The following EMSY variants were observed in gnomAD, a reference collection of about 807,000 sequenced individuals.
The protein encoded by EMSY is EMSY transcriptional repressor, BRCA2 interacting.
EMSY carries 26 observed loss-of-function variants against 134.6 expected under a neutral mutation model. The observed-to-expected ratio is 0.19, with a 90% CI of 0.14 to 0.27. The LOEUF (loss-of-function observed/expected upper bound fraction) is 0.27. Among genes scored for constraint, EMSY ranks in the 10% least tolerant of loss-of-function variants. EMSY has a pLI of 1.00. For synonymous variants in EMSY, 579 were observed against 577.8 expected (o/e 1.00, Z -0.03); for missense variants, 1,305 against 1,611.4 (o/e 0.81, Z 3.26).
At position 76,499,278 on chromosome 11, in the gene EMSY, T is replaced by G. The variant is rs983772766; in HGVS notation, c.1363+2809T>G. On this transcript the variant is annotated intron_variant, in intron 9 of 20. Coordinates refer to ENST00000334736, the Ensembl canonical transcript of EMSY. Reference sequence around the variant, plus strand: ...ATCTGGCCAACCAATCTTATAACTTTTTTTTTTTTTTTTTTTTTTTTTTTT... The same window carrying G: ...ATCTGGCCAACCAATCTTATAACTTGTTTTTTTTTTTTTTTTTTTTTTTTT... Among the ~76,000 whole-genome samples the G allele has an allele frequency of 3.1e-5, 2 of 65,376 alleles. 1 individual carries two copies. The highest frequency in any genetic ancestry group is 6.1e-5 in the Non-Finnish European group (2 of 32,544). The allele number at this position is 65,376 out of a possible 152,430, so 42.9% of individuals were successfully genotyped here.
At chr11:76,491,566 G>A (rs1053308435) in intron 8 of EMSY, among the ~76,000 whole-genome samples, 4 of 152,212 alleles carry the variant, frequency 2.6e-5, no homozygotes, top group African/African-American at 7.2e-5. Flanking sequence ...CCATGCCAGG[G>A]CCAGGTGGCC....
chr11:76,507,803 A>G (rs1005843905), intron 9 of EMSY, among the ~76,000 whole-genome samples: 5 of 152,110 alleles, frequency 3.3e-5, no homozygotes, highest in African/African-American at 1.2e-4. Flanking sequence ...TCCATTAGAG[A>G]AATCATTATG....
chr11:76,465,508 C>T (rs1948313375), intron 7 of EMSY, among the ~76,000 whole-genome samples: 1 of 150,416 alleles, frequency 6.6e-6, no homozygotes, highest in Admixed American at 6.6e-5. Context: ...TTTTCTTTAT[C>T]ATTTAATTTT....
intron 17 of EMSY, among the ~76,000 whole-genome samples, chr11:76,541,387 A>G (rs983949876): frequency 3.3e-5 from 5 of 152,204 alleles, no homozygotes; most frequent in Non-Finnish European, 7.3e-5. Context: ...ATGATAGAAC[A>G]GATTTTTCTA....
At chr11:76,498,984 C>T (rs776775878) in intron 9 of EMSY, among the ~76,000 whole-genome samples, 23 of 152,292 alleles carry the variant, frequency 1.5e-4, no homozygotes, top group Non-Finnish European at 2.5e-4. Context: ...GTTTTTGAGA[C>T]GGAGTCTCGC....
chr11:76,465,602 T>TAA (rs58807004), intron 7 of EMSY, among the ~76,000 whole-genome samples: 1 of 143,116 alleles, frequency 7.0e-6, no homozygotes, highest in Admixed American at 7.0e-5. Context: ...AAAGTTCCTT[T>TAA]AAAAAAAAAA....
At position 76,455,949 on chromosome 11, in the gene EMSY, T is replaced by C. The variant is rs112323388; in HGVS notation, c.246-2234T>C. Among the ~76,000 whole-genome samples the C allele has an allele frequency of 2.8e-3, 425 of 152,272 alleles. 1 individual carries two copies. Among genetic ancestry groups the C allele is most frequent in the Non-Finnish European group, 5.1e-3 (349 of 68,006 alleles). ...ACATTCACAGGATACTGGGTCAGTT[T>C]CTGTGTGAGGATGAGGATTTCTTAC... On this transcript the variant is annotated intron_variant, in intron 4 of 20. Transcript: ENST00000334736.
intron 11 of EMSY, among the ~76,000 whole-genome samples, chr11:76,517,556 A>C (rs985639319): frequency 6.6e-6 from 1 of 152,216 alleles, no homozygotes; most frequent in Non-Finnish European, 1.5e-5. Flanking sequence ...TTATAGTTTC[A>C]TATAGCTTGA....
chr11:76,459,818 T>A lies in EMSY; in HGVS notation c.422-118T>A, dbSNP rs1236901032. 4.1e-6 allele frequency: 5 copies of A among 1,224,424 alleles called. No individual in the cohort carries two copies. In the East Asian group the frequency reaches 1.2e-4, roughly 29 times the overall value. The allele number at this position is 1,224,424 out of a possible 1,614,324, so 75.8% of individuals were successfully genotyped here. A position where few individuals can be genotyped will look rare whatever the true frequency, so the allele number is the denominator to read the frequency against. The stretch of plus-strand genomic sequence containing the variant: ...GTGGACCTAATACCTAGTACTGGCC[T>A]CTGACTTCTGATCACATGAAAATGT... On this transcript the variant is annotated intron_variant, in intron 5 of 20. Transcript: ENST00000334736.
intron 11 of EMSY, among the ~76,000 whole-genome samples, chr11:76,518,657 C>CATTT (rs1371880893): frequency 2.2e-5 from 3 of 133,932 alleles, no homozygotes; most frequent in African/African-American, 8.1e-5. Flanking sequence ...TTTTTCTATT[C>CATTT]GTTTGTATAA....
intron 11 of EMSY, among the ~76,000 whole-genome samples, chr11:76,520,697 AT>A (rs909293430): frequency 7.3e-4 from 111 of 152,178 alleles, no homozygotes; most frequent in Admixed American, 1.6e-3. Context: ...TTGTAAAGAC[AT>A]TTTTTGTAGC....
chr11:76,473,031 C>T (rs1948635202), intron 8 of EMSY, among the ~76,000 whole-genome samples, 191 bp downstream of exon 9: 2 of 152,152 alleles, frequency 1.3e-5, no homozygotes, highest in East Asian at 1.9e-4. Context: ...AATATGCTTG[C>T]CCCAAGTTGT....
At chr11:76,522,327 CTTGTTTTGTATA>C (rs1950670327) in intron 11 of EMSY, among the ~76,000 whole-genome samples, 1 of 109,192 alleles carries the variant, frequency 9.2e-6, no homozygotes, top group Non-Finnish European at 1.8e-5. Flanking sequence ...GAATCTGTGA[CTTGTTTTGTATA>C]TCGTTTACTT....
intron 11 of EMSY, 152 bp downstream of exon 12, chr11:76,516,464 G>GT (rs1950455597): frequency 1.4e-5 from 7 of 483,724 alleles, no homozygotes; most frequent in Non-Finnish European, 2.4e-5. Context: ...ATTAAATAAA[G>GT]TTTTTAGTTT....
downstream of EMSY, chr11:76,551,778 A>G (rs566077546): frequency 1.1e-4 from 16 of 152,230 alleles, no homozygotes; most frequent in Admixed American, 3.9e-4. Context: ...ATACACATGC[A>G]ACATGTTAAA....
At chr11:76,459,763 T>C in intron 5 of EMSY, 170 bp from the exon 7 acceptor site, 1 of 592,896 alleles carries the variant, frequency 1.7e-6, no homozygotes, top group East Asian at 2.8e-5. Context: ...GTGATAATTT[T>C]CAGGAAAGGT....
chr11:76,473,065 G>C (rs975823444), intron 8 of EMSY, among the ~76,000 whole-genome samples: 5 of 151,954 alleles, frequency 3.3e-5, no homozygotes, highest in African/African-American at 9.7e-5. Flanking sequence ...TAATTACCTG[G>C]GCTGCTAACA....
chr11:76,522,574 T>C (rs983020745), intron 11 of EMSY, among the ~76,000 whole-genome samples: 8 of 152,078 alleles, frequency 5.3e-5, no homozygotes, highest in Non-Finnish European at 1.2e-4. Flanking sequence ...TTCACCAGGC[T>C]GATCTTGAAC....
chr11:76,523,601 C>G (rs1402068130), intron 12 of EMSY, among the ~76,000 whole-genome samples: 4 of 151,544 alleles, frequency 2.6e-5, no homozygotes, highest in Non-Finnish European at 5.9e-5. Flanking sequence ...CTGTTTTATT[C>G]CTGCTTATGG....
Sources: allele counts gnomAD v4.1 joint callset (sites outside exome capture counted in the v4.1 genomes callset), GRCh38; gene constraint gnomAD v4.1.1; transcripts MANE v1.5; gene names NCBI Gene and HGNC (gene_info 2026-07-23, HGNC 2026-07-21).